The following ZNF536 variants were observed in gnomAD, a reference collection of about 807,000 sequenced individuals.
ZNF536 encodes zinc finger protein 536.
In ZNF536, 13 loss-of-function variants were observed where a neutral mutation model predicts 84.5. The ratio of observed to expected loss-of-function variants is 0.15; its 90% CI spans 0.10 to 0.24. The LOEUF (loss-of-function observed/expected upper bound fraction) is 0.24. ZNF536 is among the 10% of genes least tolerant of loss of function. The pLI is 1.00. For missense variants in ZNF536, 1,536 were observed against 1,747.5 expected, an observed-to-expected ratio of 0.88 and a Z score of 2.16; for synonymous variants, 811 against 742.5, an observed-to-expected ratio of 1.09 and a Z score of -1.50.
At chr19:30,297,684 T>C (rs183497015) in intron 2 of ZNF536, among the ~76,000 whole-genome samples, 343 of 152,184 alleles carry the variant, frequency 2.3e-3, no homozygotes, top group Middle Eastern at 0.01. Flanking sequence ...AGTAAACGAG[T>C]GGCCAGGAGC....
In ZNF536 at chr19:30,289,392, C is replaced by A. The variant is rs76832119; in HGVS notation, c.-120+5251C>A. On this transcript the variant is annotated intron_variant, in intron 2 of 5. Coordinates refer to the ZNF536 transcript ENST00000585628. Reference sequence around the variant, plus strand: ...GCGACAACATATAATTAAACTCACCCTTGTAGTCATTGAACTTTTCTGTCC... The same window carrying A: ...GCGACAACATATAATTAAACTCACCATTGTAGTCATTGAACTTTTCTGTCC... 7.8e-3 allele frequency among the ~76,000 whole-genome samples: 1,195 copies of A among 152,338 alleles called. 16 individuals are homozygous for A. Among genetic ancestry groups the A allele is most frequent in the African/African-American group, 0.027 (1,140 of 41,580 alleles).
Position 30,432,288 on chromosome 19 carries a change from C to T in ZNF536, c.-2-11273C>T, listed in dbSNP as rs180744264. Reference sequence around the variant, plus strand: ...CAACGTCCCCTCTCCGGCATGGTGACTGATCATAAGCTTAGAGGACCAGGG... The same window carrying T: ...CAACGTCCCCTCTCCGGCATGGTGATTGATCATAAGCTTAGAGGACCAGGG... On this transcript the variant is annotated intron_variant, in intron 1 of 4. Transcript: ENST00000355537. Among the ~76,000 whole-genome samples, 183 of 152,218 alleles carry T rather than the reference C, an allele frequency of 1.2e-3. 2 individuals carry two copies. The highest frequency in any genetic ancestry group is 4.4e-3 in the African/African-American group (181 of 41,534).
At chr19:30,464,425 T>C (rs1600851152) in intron 2 of ZNF536, among the ~76,000 whole-genome samples, 1 of 151,994 alleles carries the variant, frequency 6.6e-6, no homozygotes, top group Non-Finnish European at 1.5e-5. Context: ...AACATAGGAA[T>C]CTCCCTTTCC....
At position 30,680,615 on chromosome 19, in the gene ZNF536, A is replaced by G. The variant is rs1434150652; in HGVS notation, c.170-30142A>G. Among the ~76,000 whole-genome samples, 7 of 152,018 alleles carry G rather than the reference A, an allele frequency of 4.6e-5. No homozygotes were observed. The South Asian group carries it at 1.0e-3, about 23-fold the overall frequency. On this transcript the variant is annotated intron_variant, in intron 1 of 1. Coordinates refer to the ZNF536 transcript ENST00000592773. ...TTCTGTGGCTGCATAGTATTCCATG[A>G]TGTATATGTGCCACATTTTCTTAAT...
chr19:30,503,691 G>A (rs1187673260), intron 2 of ZNF536, among the ~76,000 whole-genome samples: 1 of 152,176 alleles, frequency 6.6e-6, no homozygotes, highest in Non-Finnish European at 1.5e-5. Context: ...GGGTGGGCTG[G>A]GGTCAAGCCC....
At chr19:30,428,442 C>T (rs568105264) in intron 1 of ZNF536, among the ~76,000 whole-genome samples, 1 of 152,200 alleles carries the variant, frequency 6.6e-6, no homozygotes, top group African/African-American at 2.4e-5. Flanking sequence ...TACTGTACAC[C>T]TTCTTGAAGC....
At chr19:30,587,153 A>C (rs112250007) in intron 1 of ZNF536, among the ~76,000 whole-genome samples, 2,816 of 152,262 alleles carry the variant, frequency 0.018, 43 homozygotes, top group Non-Finnish European at 0.028. Flanking sequence ...ACTTTTCTGG[A>C]CTGAGAGACA....
chr19:30,365,306 C>T (rs1184394196), intron 3 of ZNF536, among the ~76,000 whole-genome samples: 2 of 152,000 alleles, frequency 1.3e-5, no homozygotes, highest in Non-Finnish European at 2.9e-5. Flanking sequence ...GTCCCTGTTC[C>T]TCCCCAAACT....
At chr19:30,355,102 G>T (rs2048050026) in intron 3 of ZNF536, among the ~76,000 whole-genome samples, 1 of 152,332 alleles carries the variant, frequency 6.6e-6, no homozygotes, top group African/African-American at 2.4e-5. Context: ...AAGAAAGCAG[G>T]TGTATTTGGC....
chr19:30,616,778 G>C (rs1490869646), intron 1 of ZNF536, among the ~76,000 whole-genome samples: 1 of 152,034 alleles, frequency 6.6e-6, no homozygotes, highest in African/African-American at 2.4e-5. Context: ...AAACACCAGG[G>C]CCTGGTGCAT....
At chr19:30,342,526 T>A (rs905771933) in intron 2 of ZNF536, among the ~76,000 whole-genome samples, 1 of 152,238 alleles carries the variant, frequency 6.6e-6, no homozygotes, top group African/African-American at 2.4e-5. Flanking sequence ...CAGTTTTATG[T>A]TACGCTTTTT....
intron 1 of ZNF536, among the ~76,000 whole-genome samples, chr19:30,589,398 C>T (rs563022866): frequency 1.8e-4 from 28 of 152,274 alleles, no homozygotes; most frequent in African/African-American, 5.3e-4. Context: ...TAAGAGGTTG[C>T]TTGAACAATG....
At chr19:30,377,295 A>G (rs1775868966) in intron 1 of ZNF536, among the ~76,000 whole-genome samples, 8 of 151,998 alleles carry the variant, frequency 5.3e-5, no homozygotes, top group Admixed American at 5.2e-4. Context: ...CACAGAACTC[A>G]TTGTGTTACA....
chr19:30,383,673 TTCCTTTCTTCCTTCCTTTCTTTTCTTTC>T (rs2049123793), intron 1 of ZNF536, among the ~76,000 whole-genome samples: 1 of 20,866 alleles, frequency 4.8e-5, no homozygotes, highest in Admixed American at 4.6e-4. Flanking sequence ...TCTTTCTTTC[TTCCTTTCTTCCTTCCTTTCTTTTCTTTC>T]TCTTTCTTTC....
chr19:30,534,741 A>G, intron 2 of ZNF536, 106 bp from the exon 3 acceptor site: 2 of 1,114,386 alleles, frequency 1.8e-6, no homozygotes, highest in Non-Finnish European at 1.2e-6. Context: ...TGAAATAGAC[A>G]GGTGTAGTAT....
intron 1 of ZNF536, among the ~76,000 whole-genome samples, chr19:30,240,143 C>T (rs976236367): frequency 6.6e-6 from 1 of 151,896 alleles, no homozygotes; most frequent in Non-Finnish European, 1.5e-5. Flanking sequence ...CCGAGGCGAG[C>T]AGATCTGTTG....
At position 30,297,673 on chromosome 19, in the gene ZNF536, G is replaced by A. The variant is rs564044594; in HGVS notation, c.-120+13532G>A. ...GGATTTGTAGAAATGATGGCCGCTCGAGTAAACGAGTGGCCAGGAGCTGGG... is the reference window on the plus strand; with the variant it reads ...GGATTTGTAGAAATGATGGCCGCTCAAGTAAACGAGTGGCCAGGAGCTGGG... On this transcript the variant is annotated intron_variant, in intron 2 of 5. Coordinates refer to the ZNF536 transcript ENST00000585628. 4.6e-5 allele frequency among the ~76,000 whole-genome samples: 7 copies of A among 152,242 alleles called. No homozygotes were observed. In the South Asian group the frequency reaches 1.2e-3, roughly 27 times the overall value.
chr19:30,559,733 G>A (rs937710879), downstream of ZNF536, among the ~76,000 whole-genome samples: 7 of 152,120 alleles, frequency 4.6e-5, no homozygotes, highest in Admixed American at 6.5e-5. Context: ...TGAAGGGAAC[G>A]GATCTTCCCA....
rs574384772 is a variant in ZNF536 at position 30,711,157 on chromosome 19, A to G, written c.*156A>G. The G allele has an allele frequency of 4.3e-5, 6 of 139,890 alleles. No individual in the cohort carries two copies. In the Admixed American group the frequency reaches 4.6e-4, roughly 11 times the overall value. The allele number at this position is 139,890 out of a possible 1,614,324, so 8.7% of individuals were successfully genotyped here. A position where few individuals can be genotyped will look rare whatever the true frequency, so the allele number is the denominator to read the frequency against. On this transcript the variant is annotated 3_prime_UTR_variant, in exon 2 of 2. Coordinates refer to the ZNF536 transcript ENST00000592773. The stretch of plus-strand genomic sequence containing the variant: ...AAAATTTTAAAAGATATCTATATAT[A>G]TATTAAAAAAAAAAAATTCCCCAGC...
Sources: gnomAD v4.1 joint callset for allele counts (sites outside exome capture counted in the v4.1 genomes callset) on GRCh38, gnomAD v4.1.1 for gene constraint, MANE v1.5 for transcripts, NCBI Gene and HGNC (gene_info 2026-07-23, HGNC 2026-07-21) for gene names.